TTC21B: variants seen among roughly 807,000 people sequenced by gnomAD.
The protein encoded by TTC21B is tetratricopeptide repeat domain 21B, also known as tetratricopeptide repeat protein 21B.
In TTC21B, 127 loss-of-function variants were observed where a neutral mutation model predicts 175.1. That is an observed-to-expected ratio of 0.73 (90% CI 0.63 to 0.84). TTC21B has a LOEUF of 0.84. Among genes scored for constraint, TTC21B ranks in the 40% least tolerant of loss-of-function variants. The pLI, the probability that TTC21B is intolerant of heterozygous loss-of-function variation, is 0.00. For missense variants in TTC21B, 1,561 were observed against 1,558.3 expected, an observed-to-expected ratio of 1.00 and a Z score of -0.03; for synonymous variants, 524 against 524.5, an observed-to-expected ratio of 1.00 and a Z score of 0.01.
chr2:165,945,013 T>G (rs1027852179), intron 4 of TTC21B, among the ~76,000 whole-genome samples: 3 of 152,348 alleles, frequency 2.0e-5, no homozygotes, highest in Admixed American at 2.0e-4. Flanking sequence ...CAATAAATGT[T>G]AGCTATTATT....
intron 24 of TTC21B, among the ~76,000 whole-genome samples, chr2:165,888,929 A>G (rs1360315298): frequency 6.8e-6 from 1 of 147,904 alleles, no homozygotes; most frequent in Non-Finnish European, 1.5e-5. Context: ...AGGTAAAGTA[A>G]TTTTCTAAAG....
intron 25 of TTC21B, 26 bp from the exon 26 acceptor site, chr2:165,884,044 A>G (rs374499215): frequency 1.1e-4 from 180 of 1,579,556 alleles, no homozygotes; most frequent in Non-Finnish European, 1.5e-4. Flanking sequence ...ATTTTAGACC[A>G]TAAGATGCAT....
chr2:165,938,518 T>C (rs1009109781), intron 6 of TTC21B, among the ~76,000 whole-genome samples: 66 of 146,814 alleles, frequency 4.5e-4, no homozygotes, highest in African/African-American at 1.4e-3. Context: ...CAAAATTGAA[T>C]GTGAATTTAA....
intron 11 of TTC21B, among the ~76,000 whole-genome samples, chr2:165,927,222 A>T (rs1559064657): frequency 5.0e-5 from 1 of 20,102 alleles, no homozygotes; most frequent in African/African-American, 1.7e-4. Context: ...CCTAGTAGTT[A>T]TATATATATA....
intron 19 of TTC21B, among the ~76,000 whole-genome samples, chr2:165,907,263 T>C (rs1168827241): frequency 6.6e-6 from 1 of 151,860 alleles, no homozygotes. Flanking sequence ...AATCAGAAAC[T>C]GAATCATCAT....
At chr2:165,878,888 G>T (rs1684755840) in intron 27 of TTC21B, among the ~76,000 whole-genome samples, 1 of 152,000 alleles carries the variant, frequency 6.6e-6, no homozygotes, top group Non-Finnish European at 1.5e-5. Context: ...CACCATGTTG[G>T]CCAGGCTAGT....
At chr2:165,951,401 C>G (rs1050660350) in intron 1 of TTC21B, among the ~76,000 whole-genome samples, 2 of 151,988 alleles carry the variant, frequency 1.3e-5, no homozygotes, top group African/African-American at 2.4e-5. Flanking sequence ...TATAAGAGTT[C>G]TATTCTGAAA....
At position 165,929,294 on chromosome 2, in the gene TTC21B, AT is replaced by A; in HGVS notation, c.1226del (p.Asn409IlefsTer11). 6.2e-7 allele frequency: 1 copy of A among 1,611,898 alleles called. No homozygotes were observed. The highest frequency in any genetic ancestry group is 8.5e-7 in the Non-Finnish European group (1 of 1,178,662). ...AATTAATAACTTCTTCTTGTCGTTT[AT>A]TTTTCTTCATGGCAAGAACTGCATG... ...YLHAVLAMKK[N>X]KRQEEVINLL... On this transcript the variant is annotated frameshift_variant, in exon 11 of 29. Coordinates refer to ENST00000243344, the MANE Select transcript of TTC21B (RefSeq NM_024753.5). LOFTEE classifies it high-confidence loss of function.
chr2:165,943,742 G>A (rs1687451157), intron 4 of TTC21B, among the ~76,000 whole-genome samples: 1 of 152,124 alleles, frequency 6.6e-6, no homozygotes, highest in Admixed American at 6.5e-5. Context: ...TGAAATAACA[G>A]AAGAAGCCTT....
chr2:165,887,084 G>T (rs1478381196), intron 25 of TTC21B, among the ~76,000 whole-genome samples: 2 of 152,106 alleles, frequency 1.3e-5, no homozygotes, highest in East Asian at 3.9e-4. Context: ...GCCACAACAA[G>T]AGTTGCAGGT....
At chr2:165,891,881 TA>T (rs1354808475) in intron 22 of TTC21B, among the ~76,000 whole-genome samples, 1 of 152,100 alleles carries the variant, frequency 6.6e-6, no homozygotes, top group Non-Finnish European at 1.5e-5. Context: ...AACCAACCTA[TA>T]TATAAATGTA....
chr2:165,879,458 T>C (rs1275722819), intron 27 of TTC21B, among the ~76,000 whole-genome samples: 1 of 152,238 alleles, frequency 6.6e-6, no homozygotes, highest in Non-Finnish European at 1.5e-5. Flanking sequence ...AACTAACAGA[T>C]GAGGGAAGAC....
chr2:165,909,887 T>A (rs970551531), intron 18 of TTC21B, among the ~76,000 whole-genome samples: 1 of 152,208 alleles, frequency 6.6e-6, no homozygotes, highest in African/African-American at 2.4e-5. Flanking sequence ...AAATGCATAC[T>A]GCAGAATTAT....
intron 4 of TTC21B, 59 bp from the exon 5 acceptor site, chr2:165,943,400 G>A: frequency 1.5e-6 from 2 of 1,326,716 alleles, no homozygotes; most frequent in Non-Finnish European, 1.1e-6. Flanking sequence ...AAATGTTAAT[G>A]AAAGAGCCTA....
chr2:165,886,097 GT>G (rs1181742667), intron 25 of TTC21B, among the ~76,000 whole-genome samples: 1 of 152,084 alleles, frequency 6.6e-6, no homozygotes, highest in African/African-American at 2.4e-5. Flanking sequence ...CATACCCTAT[GT>G]TTTTCTGCCT....
intron 4 of TTC21B, 21 bp downstream of exon 4, chr2:165,945,503 T>TA: frequency 6.2e-7 from 1 of 1,606,060 alleles, no homozygotes. Context: ...GTTATTATTT[T>TA]AAACTCAGAA....
chr2:165,935,293 T>A (rs1490887031), intron 6 of TTC21B, among the ~76,000 whole-genome samples: 1 of 152,216 alleles, frequency 6.6e-6, no homozygotes, highest in African/African-American at 2.4e-5. Flanking sequence ...AAATACAGTA[T>A]CTTGGATTCA....
chr2:165,921,355 T>C (rs569280748), intron 12 of TTC21B, among the ~76,000 whole-genome samples: 176 of 152,292 alleles, frequency 1.2e-3, no homozygotes, highest in African/African-American at 4.0e-3. Flanking sequence ...CACATTGACA[T>C]GTCAGGAAGG....
intron 9 of TTC21B, 114 bp downstream of exon 9, chr2:165,930,058 G>C: frequency 1.0e-6 from 1 of 991,966 alleles, no homozygotes; most frequent in Non-Finnish European, 1.5e-6. Context: ...GGGCAGTAGA[G>C]AACAATTTAA....
Sources: gnomAD v4.1 joint callset for allele counts (sites outside exome capture counted in the v4.1 genomes callset) on GRCh38, gnomAD v4.1.1 for gene constraint, MANE v1.5 for transcripts, NCBI Gene and HGNC (gene_info 2026-07-23, HGNC 2026-07-21) for gene names.